Variants in RORA observed in about 807,000 individuals in gnomAD.
RORA encodes nuclear receptor ROR-alpha.
A neutral mutation model predicts 69.5 loss-of-function variants in RORA; 7 were observed. That is an observed-to-expected ratio of 0.10 (90% CI 0.06 to 0.19). RORA has a LOEUF of 0.19. Among genes scored for constraint, RORA ranks in the 10% least tolerant of loss-of-function variants. RORA has a pLI of 1.00. For missense variants in RORA, 457 were observed against 663.0 expected (o/e 0.69, Z 3.41); for synonymous variants, 261 against 240.8 (o/e 1.08, Z -0.78).
intron 1 of RORA, among the ~76,000 whole-genome samples, chr15:60,978,773 A>G (rs1213545830): frequency 6.6e-6 from 1 of 152,014 alleles, no homozygotes; most frequent in Non-Finnish European, 1.5e-5. Flanking sequence ...ATTTATTGAG[A>G]AATTTCTCTC....
chr15:61,107,120 T>A (rs956790614), intron 1 of RORA, among the ~76,000 whole-genome samples: 3 of 152,190 alleles, frequency 2.0e-5, no homozygotes, highest in Non-Finnish European at 4.4e-5. Context: ...AGGGAGGTAA[T>A]TACTTGCTGT....
At chr15:60,960,443 T>C (rs563501676) in intron 1 of RORA, among the ~76,000 whole-genome samples, 1 of 152,216 alleles carries the variant, frequency 6.6e-6, no homozygotes, top group South Asian at 2.1e-4. Context: ...GGCAATACAA[T>C]TGTCCATCTG....
chr15:60,988,844 T>C (rs1894287307), intron 1 of RORA, among the ~76,000 whole-genome samples: 1 of 152,308 alleles, frequency 6.6e-6, no homozygotes, highest in South Asian at 2.1e-4. Flanking sequence ...CCATTTCCAC[T>C]TACTTTTCAG....
At chr15:61,028,181 C>A (rs1016175148) in intron 1 of RORA, among the ~76,000 whole-genome samples, 2 of 152,192 alleles carry the variant, frequency 1.3e-5, no homozygotes, top group Non-Finnish European at 2.9e-5. Context: ...TTTTGCCCAT[C>A]ATGGTTACTT....
At chr15:60,617,651 C>T (rs1339201379) in intron 2 of RORA, among the ~76,000 whole-genome samples, 1 of 127,330 alleles carries the variant, frequency 7.9e-6, no homozygotes, top group African/African-American at 3.3e-5. Flanking sequence ...CACATACACA[C>T]ATACAGACAG....
intron 1 of RORA, among the ~76,000 whole-genome samples, chr15:61,199,475 C>A (rs932467959): frequency 2.0e-5 from 3 of 152,134 alleles, no homozygotes; most frequent in African/African-American, 7.2e-5. Context: ...TCGGCCCAAG[C>A]AGGGAAAGAA....
At chr15:60,724,122 T>C (rs1175759267) in intron 1 of RORA, among the ~76,000 whole-genome samples, 2 of 152,200 alleles carry the variant, frequency 1.3e-5, no homozygotes, top group African/African-American at 2.4e-5. Context: ...ATTTTTATCT[T>C]GGATACTCTA....
At chr15:60,704,119 C>G (rs1419283800) in intron 1 of RORA, among the ~76,000 whole-genome samples, 2 of 152,176 alleles carry the variant, frequency 1.3e-5, no homozygotes, top group Non-Finnish European at 2.9e-5. Flanking sequence ...TCATTACCCT[C>G]AAGGAATTTT....
chr15:60,746,195 C>T (rs2071646349), intron 1 of RORA, among the ~76,000 whole-genome samples: 1 of 152,140 alleles, frequency 6.6e-6, no homozygotes, highest in South Asian at 2.1e-4. Context: ...TTGAAAAGCA[C>T]AAATCCATAC....
At chr15:61,219,599 C>T (rs1269927336) in intron 1 of RORA, among the ~76,000 whole-genome samples, 1 of 151,894 alleles carries the variant, frequency 6.6e-6, no homozygotes, top group East Asian at 1.9e-4. Context: ...AAAAAATCCT[C>T]ATTATTCGAA....
intron 1 of RORA, among the ~76,000 whole-genome samples, chr15:61,200,992 A>G (rs2079891019): frequency 6.6e-6 from 1 of 152,230 alleles, no homozygotes; most frequent in Admixed American, 6.5e-5. Flanking sequence ...GCAGAAGACT[A>G]CATATTTTTC....
At chr15:60,588,484 T>TCC (rs1567108408) in intron 2 of RORA, among the ~76,000 whole-genome samples, 1 of 114,730 alleles carries the variant, frequency 8.7e-6, no homozygotes, top group South Asian at 2.7e-4. Flanking sequence ...ATCCATCCAG[T>TCC]AACTTTTCTC....
At chr15:60,546,448 C>A (rs1286471086) in intron 2 of RORA, 1 of 152,192 alleles carries the variant, frequency 6.6e-6, no homozygotes, top group Non-Finnish European at 1.5e-5. Flanking sequence ...TCCAGTGTGG[C>A]TCTTTTCCTC....
intron 2 of RORA, among the ~76,000 whole-genome samples, chr15:60,606,300 C>T (rs2068943614): frequency 6.6e-6 from 1 of 152,208 alleles, no homozygotes; most frequent in African/African-American, 2.4e-5. Context: ...AATTAAAGGG[C>T]TCCTAATTAG....
chr15:60,730,272 G>T (rs1269011379), intron 1 of RORA, among the ~76,000 whole-genome samples: 1 of 152,182 alleles, frequency 6.6e-6, no homozygotes, highest in Non-Finnish European at 1.5e-5. Context: ...ATGACACTCG[G>T]ATGTGACTGT....
chr15:60,875,433 A>T (rs1373551938), intron 1 of RORA, among the ~76,000 whole-genome samples: 1 of 152,152 alleles, frequency 6.6e-6, no homozygotes, highest in Non-Finnish European at 1.5e-5. Context: ...TGTCCAAGTC[A>T]GGATAGGAAC....
intron 1 of RORA, among the ~76,000 whole-genome samples, chr15:60,769,968 C>T (rs552557774): frequency 6.6e-6 from 1 of 152,206 alleles, no homozygotes; most frequent in Non-Finnish European, 1.5e-5. Context: ...TTATTTCTAA[C>T]CTTATTTTGT....
intron 1 of RORA, among the ~76,000 whole-genome samples, chr15:60,897,458 A>C (rs1891260852): frequency 6.6e-6 from 1 of 152,198 alleles, no homozygotes; most frequent in Non-Finnish European, 1.5e-5. Context: ...ATACGAGGTA[A>C]ATATGTAAAG....
intron 1 of RORA, among the ~76,000 whole-genome samples, chr15:60,973,483 G>A (rs1047679998): frequency 1.3e-5 from 2 of 152,146 alleles, no homozygotes; most frequent in African/African-American, 4.8e-5. Flanking sequence ...AGCAGCCTTC[G>A]CCCAGTGCTC....
Sources: gnomAD v4.1 joint callset for allele counts (sites outside exome capture counted in the v4.1 genomes callset) on GRCh38, gnomAD v4.1.1 for gene constraint, MANE v1.5 for transcripts, NCBI Gene and HGNC (gene_info 2026-07-23, HGNC 2026-07-21) for gene names.